The following DOCK1 variants were observed in gnomAD, a reference collection of about 807,000 sequenced individuals.
The protein encoded by DOCK1 is dedicator of cytokinesis protein 1.
Under a neutral mutation model 262.7 loss-of-function variants are expected in DOCK1, and 138 were observed. The ratio of observed to expected loss-of-function variants is 0.53; its 90% confidence interval spans 0.46 to 0.61. The LOEUF (loss-of-function observed/expected upper bound fraction) is 0.61. Among genes scored for constraint, DOCK1 ranks in the 20% least tolerant of loss-of-function variants. The pLI, the probability that DOCK1 is intolerant of heterozygous loss-of-function variation, is 0.00. For missense variants in DOCK1, 1,908 were observed against 2,370.7 expected (o/e 0.80, Z 4.05); for synonymous variants, 866 against 867.4 (o/e 1.00, Z 0.03).
At chr10:127,189,558 C>T (rs1056823296) in intron 27 of DOCK1, among the ~76,000 whole-genome samples, 2 of 152,110 alleles carry the variant, frequency 1.3e-5, no homozygotes, top group Non-Finnish European at 2.9e-5. Flanking sequence ...ATAGCAAGTG[C>T]AAAACAAATT....
intron 23 of DOCK1, among the ~76,000 whole-genome samples, chr10:127,064,749 G>T (rs867245909): frequency 6.6e-6 from 1 of 152,190 alleles, no homozygotes; most frequent in African/African-American, 2.4e-5. Flanking sequence ...ACATACTGCC[G>T]TGGCCAAATA....
chr10:127,316,108 A>C (rs1332905671), intron 29 of DOCK1, among the ~76,000 whole-genome samples: 5 of 152,212 alleles, frequency 3.3e-5, no homozygotes, highest in Non-Finnish European at 1.5e-5. Context: ...GCTACCTTCC[A>C]GTAAATTCAC....
chr10:127,395,856 C>A (rs968938632), intron 38 of DOCK1, among the ~76,000 whole-genome samples: 2 of 152,220 alleles, frequency 1.3e-5, no homozygotes, highest in African/African-American at 4.8e-5. Context: ...GGGGCACCCA[C>A]TGGCCTAGAA....
chr10:127,210,231 C>T (rs1398041264), intron 27 of DOCK1, among the ~76,000 whole-genome samples: 1 of 152,234 alleles, frequency 6.6e-6, no homozygotes, highest in East Asian at 1.9e-4. Context: ...CACAGTGCTG[C>T]CATCAGCATG....
At position 127,127,693 on chromosome 10, in the gene DOCK1, A is replaced by T; in HGVS notation, c.2776A>T (p.Ile926Phe). The change falls in exon 27 of 52, where the codon ATT becomes TTT. Residue 926 changes from isoleucine to phenylalanine, a missense_variant. By Grantham distance (21) the Ile-to-Phe change is conservative. Coordinates refer to ENST00000623213, the MANE Select transcript of DOCK1 (RefSeq NM_001290223.2). ...DVGPTQRHVQ[I>F]IMEKLLRTVN... ...GGGGCCAACCCAGAGGCACGTCCAG[A>T]TTATCATGGAGAAACTTCTCCGGAC... 6.2e-7 allele frequency: 1 copy of T among 1,612,712 alleles called. No individual in the cohort carries two copies. Among genetic ancestry groups the T allele is most frequent in the East Asian group, 2.2e-5 (1 of 44,858 alleles).
intron 27 of DOCK1, among the ~76,000 whole-genome samples, chr10:127,160,844 C>T (rs554498003): frequency 1.3e-5 from 2 of 152,276 alleles, no homozygotes; most frequent in African/African-American, 2.4e-5. Context: ...ATGCAACAAC[C>T]GTTTTTTTCT....
intron 49 of DOCK1, among the ~76,000 whole-genome samples, chr10:127,440,445 G>T (rs988384595): frequency 6.6e-6 from 1 of 152,084 alleles, no homozygotes; most frequent in South Asian, 2.1e-4. Flanking sequence ...AGCTGTAGTG[G>T]GAAACAAAAA....
chr10:127,097,287 T>C (rs1456038576), intron 23 of DOCK1, among the ~76,000 whole-genome samples: 3 of 152,196 alleles, frequency 2.0e-5, no homozygotes, highest in Non-Finnish European at 4.4e-5. Context: ...TTGTGATTGC[T>C]GAATACGATG....
chr10:127,287,236 T>C (rs2061189422), intron 29 of DOCK1, among the ~76,000 whole-genome samples: 1 of 149,820 alleles, frequency 6.7e-6, no homozygotes, highest in Non-Finnish European at 1.5e-5. Flanking sequence ...ATGATCTCAC[T>C]CTGTTGTCCA....
chr10:127,092,774 C>T (rs551697197), intron 23 of DOCK1, among the ~76,000 whole-genome samples: 6 of 152,256 alleles, frequency 3.9e-5, no homozygotes, highest in Non-Finnish European at 7.4e-5. Context: ...TGAGCCACCG[C>T]GCCCGGCAGA....
chr10:127,113,241 G>A (rs1293766502), intron 25 of DOCK1, among the ~76,000 whole-genome samples: 4 of 152,048 alleles, frequency 2.6e-5, no homozygotes, highest in Non-Finnish European at 5.9e-5. Flanking sequence ...CTAGAACTTG[G>A]TATAACTGGA....
chr10:126,914,302 A>C (rs1276361105), intron 1 of DOCK1, among the ~76,000 whole-genome samples: 1 of 152,200 alleles, frequency 6.6e-6, no homozygotes, highest in Non-Finnish European at 1.5e-5. Flanking sequence ...ATCTAGATGC[A>C]GTTGCTGTTT....
chr10:127,412,002 G>A (rs898626175), intron 43 of DOCK1, among the ~76,000 whole-genome samples: 1 of 150,964 alleles, frequency 6.6e-6, no homozygotes, highest in African/African-American at 2.4e-5. Flanking sequence ...TCGCTCTGTC[G>A]CCCAAGCTGG....
chr10:127,279,165 A>G (rs2060853574), intron 29 of DOCK1, among the ~76,000 whole-genome samples: 1 of 152,256 alleles, frequency 6.6e-6, no homozygotes, highest in African/African-American at 2.4e-5. Context: ...GCCTTAAAAC[A>G]GCTTGAAATG....
chr10:127,404,657 G>T (rs145803214), intron 40 of DOCK1, among the ~76,000 whole-genome samples: 1 of 152,328 alleles, frequency 6.6e-6, no homozygotes, highest in African/African-American at 2.4e-5. Context: ...CTCCTTCAGA[G>T]ATTTACACGT....
rs755690198 is a variant in DOCK1, at chr10:127,110,349, A to T, written c.2618A>T (p.Gln873Leu). The change falls in exon 25 of 52, where the codon CAG (glutamine) becomes CTG (leucine). Residue 873 changes from glutamine to leucine, a missense_variant. Around this residue, in one of 9 missense-constraint regions of DOCK1, gnomAD observed 518 missense variants for 575.1 expected, o/e 0.90. Coordinates refer to ENST00000623213, the MANE Select transcript of DOCK1 (RefSeq NM_001290223.2). ...IEIVHSDLFT[Q>L]HDCREILLPM... ...ATCGTCCACAGTGACCTCTTCACACAGCATGGTGAGTGGAACCCCAAGAAT... is the reference window on the plus strand; with the variant it reads ...ATCGTCCACAGTGACCTCTTCACACTGCATGGTGAGTGGAACCCCAAGAAT... The T allele has an allele frequency of 6.2e-7, 1 of 1,611,004 alleles. No homozygotes were observed. The highest frequency in any genetic ancestry group is 8.5e-7 in the Non-Finnish European group (1 of 1,178,102).
At chr10:127,276,214 T>C (rs1370486724) in intron 29 of DOCK1, among the ~76,000 whole-genome samples, 1 of 151,952 alleles carries the variant, frequency 6.6e-6, no homozygotes, top group East Asian at 1.9e-4. Flanking sequence ...ACTGGAGAGG[T>C]TGGGTGGAGA....
At chr10:127,019,691 G>C (rs756153024) in intron 13 of DOCK1, among the ~76,000 whole-genome samples, 1 of 152,210 alleles carries the variant, frequency 6.6e-6, no homozygotes, top group Non-Finnish European at 1.5e-5. Context: ...AGAGGTTGCT[G>C]TGAGCACAGA....
Position 127,139,773 on chromosome 10 carries a change from G to A in DOCK1, c.2847+12009G>A, listed in dbSNP as rs535384666. 7.9e-4 allele frequency among the ~76,000 whole-genome samples: 120 copies of A among 152,270 alleles called. 2 individuals carry two copies. The highest frequency in any genetic ancestry group is 7.8e-4 in the Non-Finnish European group (53 of 68,028). On this transcript the variant is annotated intron_variant, in intron 27 of 51. Coordinates refer to ENST00000623213, the MANE Select transcript of DOCK1 (RefSeq NM_001290223.2). The stretch of plus-strand genomic sequence containing the variant: ...AGGGGGAGAAAATAGTTCCTTCCCA[G>A]GCTGTCGTAATTACTGAATTGTGGT...
Sources: gnomAD v4.1 joint callset for allele counts (sites outside exome capture counted in the v4.1 genomes callset) on GRCh38, gnomAD v4.1.1 for gene constraint, gnomAD v4.1.1 regional missense constraint, MANE v1.5 for transcripts, NCBI Gene and HGNC (gene_info 2026-07-23, HGNC 2026-07-21) for gene names.